Variants in SPHKAP observed in about 807,000 individuals in gnomAD.
SPHKAP encodes the protein SPHK1 interactor, AKAP domain containing.
Under a neutral mutation model 137.5 loss-of-function variants are expected in SPHKAP, and 67 were observed. That is an observed-to-expected ratio of 0.49 (90% CI 0.40 to 0.60). The LOEUF is 0.60. Among genes scored for constraint, SPHKAP ranks in the 20% least tolerant of loss-of-function variants. SPHKAP has a pLI of 0.00. For missense variants in SPHKAP, 2,097 were observed against 2,069.3 expected (o/e 1.01, Z -0.26); for synonymous variants, 813 against 785.3 (o/e 1.04, Z -0.59).
chr2:228,101,054 C>T (rs1269609011), intron 3 of SPHKAP, among the ~76,000 whole-genome samples: 1 of 152,150 alleles, frequency 6.6e-6, no homozygotes, highest in African/African-American at 2.4e-5. Context: ...TTCTGATGGT[C>T]ACTCTGAAGA....
chr2:228,096,639 T>A (rs1372021121), intron 3 of SPHKAP, among the ~76,000 whole-genome samples: 1 of 100,498 alleles, frequency 1.0e-5, no homozygotes, highest in Non-Finnish European at 2.3e-5. Context: ...ACTGTGTGTG[T>A]GTGTGTGTGT....
rs1697711081 is a variant in SPHKAP at position 228,090,996 on chromosome 2, A to G, written c.246+17836T>C. Among the ~76,000 whole-genome samples the G allele has an allele frequency of 2.0e-5, 3 of 152,204 alleles. No homozygotes were observed. The South Asian group carries it at 6.2e-4, about 32-fold the overall frequency. On this transcript the variant is annotated intron_variant, in intron 3 of 11. Coordinates refer to ENST00000392056, the MANE Select transcript of SPHKAP (RefSeq NM_001142644.2). ...CAGACTAATACATATGGCAGCTGTA[A>G]TTCATCTATATTAAAAATAGTAGTA...
intron 8 of SPHKAP, chr2:227,993,959 G>T: frequency 1.4e-6 from 1 of 725,634 alleles, no homozygotes; most frequent in Non-Finnish European, 1.7e-6. Flanking sequence ...TTACGGTGAA[G>T]GTATTTATCT....
chr2:228,145,427 C>A (rs1461771379), intron 1 of SPHKAP, among the ~76,000 whole-genome samples: 1 of 151,992 alleles, frequency 6.6e-6, no homozygotes, highest in African/African-American at 2.4e-5. Context: ...TAAAGAAGAA[C>A]CAAACATGCA....
chr2:228,138,646 T>A (rs534141631), intron 1 of SPHKAP, among the ~76,000 whole-genome samples: 7 of 152,236 alleles, frequency 4.6e-5, no homozygotes, highest in Non-Finnish European at 1.0e-4. Flanking sequence ...CATCATTTTA[T>A]GTTCTGTTTC....
chr2:228,134,140 GAGAA>G (rs10624942), intron 1 of SPHKAP, among the ~76,000 whole-genome samples: 1 of 144,142 alleles, frequency 6.9e-6, no homozygotes, highest in Non-Finnish European at 1.5e-5. Flanking sequence ...GAAAGAGAAA[GAGAA>G]AGAAAGAGGA....
At chr2:228,077,478 A>T (rs760001131) in intron 3 of SPHKAP, among the ~76,000 whole-genome samples, 1 of 152,236 alleles carries the variant, frequency 6.6e-6, no homozygotes, top group Non-Finnish European at 1.5e-5. Context: ...GATGTGAGAC[A>T]TGGAGTCAAA....
At chr2:227,989,915 C>T (rs1179157816) in intron 11 of SPHKAP, among the ~76,000 whole-genome samples, 1 of 152,120 alleles carries the variant, frequency 6.6e-6, no homozygotes, top group African/African-American at 2.4e-5. Context: ...CTGCACCTGG[C>T]CTAATCACAC....
chr2:228,059,840 A>T (rs1696576843), intron 3 of SPHKAP, among the ~76,000 whole-genome samples: 1 of 152,226 alleles, frequency 6.6e-6, no homozygotes, highest in South Asian at 2.1e-4. Context: ...TCTTAGTGCC[A>T]TCTGTGTTGA....
At chr2:228,038,595 C>T (rs1223409527) in intron 3 of SPHKAP, among the ~76,000 whole-genome samples, 1 of 152,110 alleles carries the variant, frequency 6.6e-6, no homozygotes, top group Admixed American at 6.6e-5. Context: ...GCCAAATGAC[C>T]TAGGAAAGGA....
In SPHKAP at chr2:228,091,671, C is replaced by A. The variant is rs117946675; in HGVS notation, c.246+17161G>T. On this transcript the variant is annotated intron_variant, in intron 3 of 11. Coordinates refer to ENST00000392056, the MANE Select transcript of SPHKAP (RefSeq NM_001142644.2). Reference sequence around the variant, plus strand: ...GGCCAAGAAACATTTTTAAAAAATGCTCGACATCACTAAGGATCAGGGAAA... The same window carrying A: ...GGCCAAGAAACATTTTTAAAAAATGATCGACATCACTAAGGATCAGGGAAA... 3.4e-4 allele frequency among the ~76,000 whole-genome samples: 51 copies of A among 152,176 alleles called. 1 individual carries two copies. In the East Asian group the frequency reaches 9.9e-3, roughly 29 times the overall value.
intron 2 of SPHKAP, among the ~76,000 whole-genome samples, chr2:228,127,139 G>A (rs1331020482): frequency 6.6e-6 from 1 of 152,160 alleles, no homozygotes; most frequent in Non-Finnish European, 1.5e-5. Context: ...GTGAAGAGTG[G>A]TGGTTTATCA....
chr2:228,040,963 T>C (rs888450060), intron 3 of SPHKAP, among the ~76,000 whole-genome samples: 1 of 152,214 alleles, frequency 6.6e-6, no homozygotes, highest in Non-Finnish European at 1.5e-5. Flanking sequence ...TAAGTAATTA[T>C]GTGGACTAGA....
chr2:228,017,687 T>C lies in SPHKAP; in HGVS notation c.3167A>G (p.Asp1056Gly), dbSNP rs1345301963. 1 of 1,614,022 alleles carries C rather than the reference T, an allele frequency of 6.2e-7. No homozygotes were observed. Among genetic ancestry groups the C allele is most frequent in the South Asian group, 1.1e-5 (1 of 91,066 alleles). The part of the protein sequence containing the change: ...IMNLTEFSMV[D>G]GMWQAQGYPR... ...ATAGCCCTGCGCCTGCCACATGCCG[T>C]CCACCATAGAGAACTCCGTTAGGTT... Residue 1056 changes from aspartate (D) to glycine (G), a missense_variant, in exon 7 of 12, where the codon GAC becomes GGC. Physicochemically the swap from Asp to Gly is moderately conservative, Grantham distance 94. Coordinates refer to ENST00000392056, the MANE Select transcript of SPHKAP (RefSeq NM_001142644.2).
intron 7 of SPHKAP, among the ~76,000 whole-genome samples, chr2:227,999,890 A>G (rs1693783604): frequency 6.6e-6 from 1 of 152,236 alleles, no homozygotes; most frequent in African/African-American, 2.4e-5. Context: ...TGTCATATCA[A>G]ATTCCATCAT....
At chr2:228,063,151 T>C (rs189498064) in intron 3 of SPHKAP, among the ~76,000 whole-genome samples, 13 of 137,834 alleles carry the variant, frequency 9.4e-5, no homozygotes, top group Admixed American at 3.6e-4. Context: ...TCCCTATCTA[T>C]CTATCTATCT....
chr2:228,108,006 C>G (rs1485843235), intron 3 of SPHKAP, among the ~76,000 whole-genome samples: 2 of 152,126 alleles, frequency 1.3e-5, no homozygotes, highest in Non-Finnish European at 2.9e-5. Flanking sequence ...ATATAAAAAG[C>G]CTTGCTATCC....
chr2:228,101,100 A>C (rs1291252565), intron 3 of SPHKAP, among the ~76,000 whole-genome samples: 1 of 152,108 alleles, frequency 6.6e-6, no homozygotes, highest in African/African-American at 2.4e-5. Flanking sequence ...GATATTGCCA[A>C]TAACTCCAAC....
At chr2:228,156,010 TAGAAGAGCATTGTGGTTAGAA>T (rs1700097432) in intron 1 of SPHKAP, among the ~76,000 whole-genome samples, 1 of 152,194 alleles carries the variant, frequency 6.6e-6, no homozygotes, top group Non-Finnish European at 1.5e-5. Context: ...GTGTCCTATA[TAGAAGAGCATTGTGGTTAGAA>T]ATGTCTTCCC....
Sources: allele counts gnomAD v4.1 joint callset (sites outside exome capture counted in the v4.1 genomes callset), GRCh38; gene constraint gnomAD v4.1.1; transcripts MANE v1.5; gene names NCBI Gene and HGNC (gene_info 2026-07-23, HGNC 2026-07-21).